Variants in MEGF9 observed in about 807,000 individuals in gnomAD.
MEGF9 encodes the protein multiple EGF like domains 9.
Under a neutral mutation model 46.8 loss-of-function variants are expected in MEGF9, and 6 were observed. The ratio of observed to expected loss-of-function variants is 0.13; its 90% CI spans 0.07 to 0.25. MEGF9 has a LOEUF of 0.25. Ranked by LOEUF, MEGF9 falls within the 10% of genes least tolerant of loss-of-function variation. MEGF9 has a pLI of 1.00. For synonymous variants in MEGF9, 302 were observed against 330.7 expected (o/e 0.91, Z 0.94); for missense variants, 683 against 792.4 (o/e 0.86, Z 1.66).
intron 1 of MEGF9, among the ~76,000 whole-genome samples, chr9:120,683,858 C>T (rs7033709): frequency 0.015 from 2,309 of 151,924 alleles, 57 homozygotes; most frequent in African/African-American, 0.053. Context: ...CATATCACTG[C>T]ACTCCAACAT....
At chr9:120,651,881 G>A (rs1226312686) in intron 2 of MEGF9, among the ~76,000 whole-genome samples, 1 of 151,602 alleles carries the variant, frequency 6.6e-6, no homozygotes, top group Non-Finnish European at 1.5e-5. Flanking sequence ...TCGAACTCCT[G>A]ACCTCATGAT....
At chr9:120,695,603 C>CAAAAAAAAAAAAAAAAAAAAA (rs370281228) in intron 1 of MEGF9, among the ~76,000 whole-genome samples, 4 of 18,688 alleles carry the variant, frequency 2.1e-4, no homozygotes, top group African/African-American at 4.8e-4. Flanking sequence ...GACCCCATCT[C>CAAAAAAAAAAAAAAAAAAAAA]AAAAAAAAAA....
chr9:120,676,845 A>C (rs888787335), intron 1 of MEGF9, among the ~76,000 whole-genome samples: 8 of 152,204 alleles, frequency 5.3e-5, no homozygotes, highest in African/African-American at 1.9e-4. Flanking sequence ...ACTTAGCTTT[A>C]CAACAACCTT....
intron 1 of MEGF9, among the ~76,000 whole-genome samples, chr9:120,674,678 C>T (rs933549943): frequency 2.6e-5 from 4 of 151,832 alleles, no homozygotes; most frequent in Non-Finnish European, 5.9e-5. Flanking sequence ...AAGGGACTCT[C>T]CTGCCTCAGC....
chr9:120,700,446 A>G (rs1164690664), intron 1 of MEGF9, among the ~76,000 whole-genome samples: 1 of 152,244 alleles, frequency 6.6e-6, no homozygotes, highest in African/African-American at 2.4e-5. Flanking sequence ...AATAACTCAC[A>G]TAACATCAAT....
chr9:120,699,556 A>AT (rs922398440), intron 1 of MEGF9, among the ~76,000 whole-genome samples: 382 of 145,064 alleles, frequency 2.6e-3, no homozygotes, highest in East Asian at 0.024. Flanking sequence ...CATGTCTACA[A>AT]TTTTTTTTTT....
At chr9:120,685,215 T>C (rs565259538) in intron 1 of MEGF9, among the ~76,000 whole-genome samples, 1 of 152,326 alleles carries the variant, frequency 6.6e-6, no homozygotes, top group East Asian at 1.9e-4. Context: ...AATACAGACA[T>C]AGGATTGCAT....
At position 120,607,852 on chromosome 9, in the gene MEGF9, T is replaced by C; in HGVS notation, c.1246A>G (p.Lys416Glu). 1 of 1,614,028 alleles carries C rather than the reference T, an allele frequency of 6.2e-7. No homozygotes were observed. Among genetic ancestry groups the C allele is most frequent in the South Asian group, 1.1e-5 (1 of 91,092 alleles). Residue 416 changes from lysine (K) to glutamate (E), a missense_variant, in exon 5 of 6, where the codon AAG becomes GAG. Around this residue, in one of 2 missense-constraint regions of MEGF9, gnomAD observed 313 missense variants for 421.1 expected, o/e 0.74. Transcript: ENST00000373930. ...VDPVKTPKIC[K>E]PESGECINCL... ...TTGATGCACTCACCACTCTCGGGCT[T>C]ACAAATCTTTGGAGTTTTAACTGGG...
intron 3 of MEGF9, among the ~76,000 whole-genome samples, chr9:120,618,621 G>A (rs1272604879): frequency 6.6e-6 from 1 of 152,078 alleles, no homozygotes; most frequent in Non-Finnish European, 1.5e-5. Context: ...TTTTAGGCTG[G>A]GCTCCGTGGC....
intron 3 of MEGF9, among the ~76,000 whole-genome samples, chr9:120,620,203 T>C (rs906785965): frequency 6.6e-6 from 1 of 152,196 alleles, no homozygotes; most frequent in Non-Finnish European, 1.5e-5. Context: ...CCTCGTTGCC[T>C]TAAGAAAAAT....
chr9:120,636,972 TG>T (rs1277536659), intron 2 of MEGF9, among the ~76,000 whole-genome samples: 3 of 152,170 alleles, frequency 2.0e-5, no homozygotes, highest in Non-Finnish European at 4.4e-5. Context: ...ATGATGACCA[TG>T]GGGGTTTTGT....
chr9:120,686,426 A>C (rs1188717128), intron 1 of MEGF9, among the ~76,000 whole-genome samples: 6 of 152,228 alleles, frequency 3.9e-5, no homozygotes, highest in African/African-American at 1.4e-4. Flanking sequence ...TGCAAGATGA[A>C]AAAGTTCTGG....
intron 1 of MEGF9, among the ~76,000 whole-genome samples, chr9:120,674,449 G>C (rs2043763836): frequency 1.3e-5 from 2 of 152,160 alleles, no homozygotes; most frequent in Non-Finnish European, 2.9e-5. Flanking sequence ...ACACATCTAA[G>C]AGAATGGCAA....
chr9:120,616,043 C>A (rs2132301019), intron 3 of MEGF9, among the ~76,000 whole-genome samples: 1 of 152,122 alleles, frequency 6.6e-6, no homozygotes, highest in East Asian at 1.9e-4. Context: ...ACATAAATAA[C>A]CAAAGTGTTA....
At chr9:120,631,896 T>TCCTTCTCCTTCCTCA (rs370717470) in intron 2 of MEGF9, among the ~76,000 whole-genome samples, 1 of 152,108 alleles carries the variant, frequency 6.6e-6, no homozygotes, top group Non-Finnish European at 1.5e-5. Context: ...ATTCTTCTTC[T>TCCTTCTCCTTCCTCA]CCTTCTCCTT....
At chr9:120,634,242 T>C (rs1266967822) in intron 2 of MEGF9, among the ~76,000 whole-genome samples, 1 of 152,170 alleles carries the variant, frequency 6.6e-6, no homozygotes, top group Admixed American at 6.5e-5. Context: ...TCACTTTAGA[T>C]CTAATAATAT....
chr9:120,713,615 C>T lies in MEGF9; in HGVS notation c.601+143G>A, dbSNP rs115460970. 4,651 of 1,159,960 alleles carry T rather than the reference C, an allele frequency of 4.0e-3. 160 individuals are homozygous for T. In the African/African-American group the frequency reaches 0.068, roughly 17 times the overall value. The allele number at this position is 1,159,960 out of a possible 1,614,324, so 71.9% of individuals were successfully genotyped here. ...TGATCGGGGGCGGGAGGGAGACTAG[C>T]TGGACCTGGGATCCCCCCTCGGGAG... is the stretch of plus-strand genomic sequence containing the variant. On this transcript the variant is annotated intron_variant, in intron 1 of 5. Transcript: ENST00000373930.
chr9:120,681,196 C>A (rs1469491367), intron 1 of MEGF9, among the ~76,000 whole-genome samples: 1 of 152,072 alleles, frequency 6.6e-6, no homozygotes. Context: ...TCCTCCCTGG[C>A]TACTGCTGCT....
intron 2 of MEGF9, among the ~76,000 whole-genome samples, chr9:120,639,858 T>C (rs757859341): frequency 2.6e-5 from 4 of 152,202 alleles, no homozygotes; most frequent in African/African-American, 9.7e-5. Context: ...TTGCATAACA[T>C]ATAAGTGAAA....
Sources: allele counts gnomAD v4.1 joint callset (sites outside exome capture counted in the v4.1 genomes callset), GRCh38; gene constraint gnomAD v4.1.1; regional missense constraint gnomAD v4.1.1; transcripts MANE v1.5; gene names NCBI Gene and HGNC (gene_info 2026-07-23, HGNC 2026-07-21).